Variants in KIAA0513 observed in about 807,000 individuals in gnomAD.
KIAA0513 encodes KIAA0513.
KIAA0513 carries 39 observed loss-of-function variants against 56.5 expected under a neutral mutation model. The ratio of observed to expected loss-of-function variants is 0.69; its 90% CI spans 0.53 to 0.90. The LOEUF (loss-of-function observed/expected upper bound fraction) is 0.90. Among genes scored for constraint, KIAA0513 ranks in the 40% least tolerant of loss-of-function variants. The pLI, the probability that KIAA0513 is intolerant of heterozygous loss-of-function variation, is 0.00. For synonymous variants in KIAA0513, 268 were observed against 215.6 expected (o/e 1.24, Z -2.13); for missense variants, 591 against 535.2 (o/e 1.10, Z -1.03).
intron 1 of KIAA0513, among the ~76,000 whole-genome samples, chr16:85,033,013 G>A (rs533821713): frequency 6.6e-6 from 1 of 152,174 alleles, no homozygotes; most frequent in South Asian, 2.1e-4. Context: ...GGTTGCGGCG[G>A]GTGTGCCTGA....
At chr16:85,053,935 C>T (rs145559171) in intron 1 of KIAA0513, among the ~76,000 whole-genome samples, 160 of 146,468 alleles carry the variant, frequency 1.1e-3, no homozygotes, top group African/African-American at 4.0e-3. Flanking sequence ...GAGTTTGCAG[C>T]GAACTGAGAT....
In KIAA0513 at chr16:85,078,695, C is replaced by T. The variant is rs973152945; in HGVS notation, c.824-230C>T. On this transcript the variant is annotated intron_variant, in intron 7 of 12. Coordinates refer to ENST00000683363, the MANE Select transcript of KIAA0513 (RefSeq NM_001388359.1). ...ATCCCAGGAAGGCTAAGGGTTACTG[C>T]GAGGGGCTGTGGCCATGCTACGGAA... Among the ~76,000 whole-genome samples the T allele has an allele frequency of 4.6e-5, 7 of 152,322 alleles. No homozygotes were observed. In the South Asian group the frequency reaches 1.0e-3, roughly 23 times the overall value.
At chr16:85,035,445 G>A (rs968541722) in intron 1 of KIAA0513, among the ~76,000 whole-genome samples, 25 of 152,300 alleles carry the variant, frequency 1.6e-4, no homozygotes, top group Middle Eastern at 3.4e-3. Context: ...GTCTTTTAGC[G>A]TCAGAATCTC....
chr16:85,046,440 A>C (rs1049426166), intron 1 of KIAA0513, among the ~76,000 whole-genome samples: 1 of 152,176 alleles, frequency 6.6e-6, no homozygotes, highest in Non-Finnish European at 1.5e-5. Context: ...TGCTCAGCCT[A>C]CTGCTGACAA....
intron 1 of KIAA0513, among the ~76,000 whole-genome samples, chr16:85,028,882 C>G (rs1046439205): frequency 2.0e-5 from 3 of 152,058 alleles, no homozygotes; most frequent in Non-Finnish European, 2.9e-5. Flanking sequence ...CTGTCAGGAC[C>G]GAGGCTGCTT....
intron 1 of KIAA0513, among the ~76,000 whole-genome samples, chr16:85,046,867 GAGT>G: frequency 6.6e-6 from 1 of 152,240 alleles, no homozygotes; most frequent in Admixed American, 6.5e-5. Flanking sequence ...TTACTTCTTG[GAGT>G]GTTTTTTGTA....
rs923233646 is a variant in KIAA0513, at chr16:85,093,937, C to T, written c.*5612C>T. 5.9e-5 allele frequency: 9 copies of T among 152,240 alleles called. No individual in the cohort carries two copies. The highest frequency in any genetic ancestry group is 2.2e-4 in the African/African-American group (9 of 41,448). 9.4% of individuals were successfully genotyped at this position (152,240 alleles called of 1,614,324 possible). ...TCAGTGGCGTCTCCCATGCACACGC[C>T]CTCTGCTTTCTCTTTCCTAGACTCG... On this transcript the variant is annotated 3_prime_UTR_variant, in exon 13 of 13. Coordinates refer to ENST00000683363, the MANE Select transcript of KIAA0513 (RefSeq NM_001388359.1).
chr16:85,078,960 G>A lies in KIAA0513; in HGVS notation c.859G>A (p.Glu287Lys). 2 of 1,614,150 alleles carry A rather than the reference G, an allele frequency of 1.2e-6. No individual in the cohort carries two copies. The highest frequency in any genetic ancestry group is 1.7e-6 in the Non-Finnish European group (2 of 1,180,026). The change falls in exon 8 of 13, where the codon GAG becomes AAG. Residue 287 changes from glutamate (E) to lysine (K), a missense_variant. Physicochemically the swap from Glu to Lys is moderately conservative, Grantham distance 56. Transcript: ENST00000683363. ...AYSPEDEKKGEKIYLYTHLKQ... is the reference protein window; with the variant it reads ...AYSPEDEKKGKKIYLYTHLKQ... ...CAGCCCCGAGGACGAAAAGAAGGGG[G>A]AGAAGATCTACCTGTACACGCACCT... is the stretch of plus-strand genomic sequence containing the variant.
intron 2 of KIAA0513, among the ~76,000 whole-genome samples, chr16:85,071,002 C>T (rs2073565097): frequency 6.6e-6 from 1 of 152,198 alleles, no homozygotes; most frequent in African/African-American, 2.4e-5. Flanking sequence ...TAAATAAGGA[C>T]CAAGATGTTT....
intron 1 of KIAA0513, among the ~76,000 whole-genome samples, chr16:85,057,786 C>G (rs1352387145): frequency 6.9e-6 from 1 of 144,884 alleles, no homozygotes; most frequent in Admixed American, 6.8e-5. Context: ...TTTTTTTTCT[C>G]TCTCTCTCCT....
At chr16:85,074,363 C>CATAT (rs139843220) in intron 4 of KIAA0513, among the ~76,000 whole-genome samples, 1 of 150,710 alleles carries the variant, frequency 6.6e-6, no homozygotes. Flanking sequence ...CACACACACA[C>CATAT]ATATATATTT....
intron 1 of KIAA0513, among the ~76,000 whole-genome samples, chr16:85,049,494 G>A (rs993869927): frequency 6.6e-6 from 1 of 152,178 alleles, no homozygotes; most frequent in Non-Finnish European, 1.5e-5. Context: ...GTATCACGGG[G>A]GCGAATTTCT....
chr16:85,036,332 G>C (rs2073036150), intron 1 of KIAA0513, among the ~76,000 whole-genome samples: 1 of 152,136 alleles, frequency 6.6e-6, no homozygotes, highest in Non-Finnish European at 1.5e-5. Context: ...TGCAGTCTCT[G>C]CCCCTGCCTC....
chr16:85,038,794 T>A (rs1281033215), intron 1 of KIAA0513, among the ~76,000 whole-genome samples: 1 of 151,932 alleles, frequency 6.6e-6, no homozygotes, highest in Non-Finnish European at 1.5e-5. Context: ...TATTTCTACA[T>A]GTAATCTATA....
chr16:85,082,738 C>A, intron 10 of KIAA0513, 145 bp downstream of exon 10: 1 of 811,250 alleles, frequency 1.2e-6, no homozygotes, highest in South Asian at 1.8e-5. Context: ...GCGGGGAGGG[C>A]GGCCCTGGGG....
At chr16:85,085,579 A>C (rs2073798845) in intron 10 of KIAA0513, among the ~76,000 whole-genome samples, 1 of 152,218 alleles carries the variant, frequency 6.6e-6, no homozygotes, top group Non-Finnish European at 1.5e-5. Context: ...CTGCTTCTGC[A>C]GGTAGCTTCT....
In KIAA0513 at chr16:85,075,887, A is replaced by G; in HGVS notation, c.547A>G (p.Thr183Ala). 6.2e-7 allele frequency: 1 copy of G among 1,614,096 alleles called. No individual in the cohort carries two copies. The highest frequency in any genetic ancestry group is 8.5e-7 in the Non-Finnish European group (1 of 1,179,970). Reference sequence around the variant, plus strand: ...CTTTGGGCCTGCCAAGAACCTCATGACCATGTGCTTCACCTACTACCACAT... The same window carrying G: ...CTTTGGGCCTGCCAAGAACCTCATGGCCATGTGCTTCACCTACTACCACAT... Reference protein sequence around the residue: ...DDFGPAKNLMTMCFTYYHIGK... With the variant: ...DDFGPAKNLMAMCFTYYHIGK... Residue 183 changes from threonine to alanine, a missense_variant, in exon 5 of 13, where the codon ACC becomes GCC. By Grantham distance (58) the Thr-to-Ala change is moderately conservative. Coordinates refer to ENST00000683363, the MANE Select transcript of KIAA0513 (RefSeq NM_001388359.1).
chr16:85,086,848 C>T, intron 11 of KIAA0513, 124 bp downstream of exon 11: 1 of 956,102 alleles, frequency 1.0e-6, no homozygotes, highest in Non-Finnish European at 1.6e-6. Context: ...GTTCATCACA[C>T]TTGGCCTCCA....
intron 1 of KIAA0513, among the ~76,000 whole-genome samples, chr16:85,066,611 C>T (rs1216366721): frequency 6.6e-6 from 1 of 152,128 alleles, no homozygotes; most frequent in East Asian, 1.9e-4. Context: ...TCTGTCCTGG[C>T]GATGGGCTCA....
Sources: allele counts gnomAD v4.1 joint callset (sites outside exome capture counted in the v4.1 genomes callset), GRCh38; gene constraint gnomAD v4.1.1; transcripts MANE v1.5; gene names NCBI Gene and HGNC (gene_info 2026-07-23, HGNC 2026-07-21).